SPOCD1: variants seen among roughly 807,000 people sequenced by gnomAD.
SPOCD1 encodes SPOC domain-containing protein 1.
In SPOCD1, 64 loss-of-function variants were observed where a neutral mutation model predicts 92.2. The observed-to-expected ratio is 0.69, with a 90% CI of 0.57 to 0.86. SPOCD1 has a LOEUF of 0.86. SPOCD1 is among the 40% of genes least tolerant of loss of function. The probability of loss-of-function intolerance (pLI) is 0.00; values close to 1 mark genes in which losing one functional copy is unlikely to be tolerated. For missense variants in SPOCD1, 1,360 were observed against 1,543.1 expected (o/e 0.88, Z 1.99); for synonymous variants, 578 against 619.3 (o/e 0.93, Z 0.99).
chr1:31,801,538 G>A, intron 3 of SPOCD1, 126 bp downstream of exon 3: 3 of 777,730 alleles, frequency 3.9e-6, no homozygotes, highest in Non-Finnish European at 6.7e-6. Flanking sequence ...GGAGCACTAG[G>A]ATCCACTGGG....
intron 2 of SPOCD1, among the ~76,000 whole-genome samples, chr1:31,805,122 C>T (rs1436835082): frequency 1.3e-5 from 2 of 151,802 alleles, no homozygotes; most frequent in Non-Finnish European, 2.9e-5. Flanking sequence ...GCTGGGACTA[C>T]AGGCGCCCGC....
intron 7 of SPOCD1, among the ~76,000 whole-genome samples, chr1:31,799,105 T>C (rs1648243126): frequency 6.6e-6 from 1 of 152,086 alleles, no homozygotes; most frequent in Admixed American, 6.5e-5. Flanking sequence ...TCTGAGCCGC[T>C]CCCAGCACAC....
chr1:31,804,796 AT>A (rs1648703324), intron 2 of SPOCD1, among the ~76,000 whole-genome samples: 1 of 151,944 alleles, frequency 6.6e-6, no homozygotes, highest in African/African-American at 2.4e-5. Flanking sequence ...TAATTTGGGG[AT>A]TTTTTAAAAA....
Position 31,791,632 on chromosome 1 carries a change from G to A in SPOCD1, c.2963-341C>T, listed in dbSNP as rs187013640. Among the ~76,000 whole-genome samples, 14 of 152,356 alleles carry A rather than the reference G, an allele frequency of 9.2e-5. No individual in the cohort carries two copies. In the East Asian group the frequency reaches 2.7e-3, roughly 29 times the overall value. Reference sequence around the variant, plus strand: ...ACGCCGTGGAGGGTGTCCATGCACAGAGGCCGAGCTCGGCCCCCCGTGGCT... The same window carrying A: ...ACGCCGTGGAGGGTGTCCATGCACAAAGGCCGAGCTCGGCCCCCCGTGGCT... On this transcript the variant is annotated intron_variant, in intron 15 of 15. Coordinates refer to ENST00000360482, the MANE Select transcript of SPOCD1 (RefSeq NM_144569.7).
Position 31,808,452 on chromosome 1 carries a change from T to C in SPOCD1, c.1383+5499A>G, listed in dbSNP as rs180829804. ...TGTGATTAAATGCACTGTGCAATAATAATAATTATAATAATTGTAAATATT... is the reference window on the plus strand; with the variant it reads ...TGTGATTAAATGCACTGTGCAATAACAATAATTATAATAATTGTAAATATT... On this transcript the variant is annotated intron_variant, in intron 2 of 15. Coordinates refer to ENST00000360482, the MANE Select transcript of SPOCD1 (RefSeq NM_144569.7). 2.3e-3 allele frequency among the ~76,000 whole-genome samples: 349 copies of C among 150,504 alleles called. 1 individual carries two copies. The highest frequency in any genetic ancestry group is 7.6e-3 in the African/African-American group (312 of 41,226).
intron 11 of SPOCD1, 29 bp from the exon 12 acceptor site, chr1:31,793,926 CA>C (rs1647803519): frequency 6.3e-7 from 1 of 1,596,282 alleles, no homozygotes; most frequent in African/African-American, 1.3e-5. Flanking sequence ...GGAGCTGAAA[CA>C]GGGGCAGCAG....
intron 2 of SPOCD1, among the ~76,000 whole-genome samples, chr1:31,803,930 A>G (rs1226759991): frequency 6.6e-6 from 1 of 152,124 alleles, no homozygotes; most frequent in Non-Finnish European, 1.5e-5. Context: ...AAGTTCCAGA[A>G]GGAGAGAGGA....
At chr1:31,811,140 C>G (rs1197370461) in intron 2 of SPOCD1, among the ~76,000 whole-genome samples, 1 of 152,220 alleles carries the variant, frequency 6.6e-6, no homozygotes, top group African/African-American at 2.4e-5. Context: ...ATAGAGGAGG[C>G]AACTCAGATT....
In SPOCD1 at chr1:31,796,404, G is replaced by A. The variant is rs1423970269; in HGVS notation, c.2271+186C>T. On this transcript the variant is annotated intron_variant, in intron 10 of 15. Coordinates refer to ENST00000360482, the MANE Select transcript of SPOCD1 (RefSeq NM_144569.7). The stretch of plus-strand genomic sequence containing the variant: ...ACAGTGACAAGGCGCTGGCAGGCCT[G>A]TGCCAGCAGCACTGTCCCACCCCAT... 4.4e-5 allele frequency: 40 copies of A among 907,142 alleles called. No homozygotes were observed. The Middle Eastern group carries it at 1.3e-3, about 30-fold the overall frequency. 56.2% of individuals were successfully genotyped at this position (907,142 alleles called of 1,614,324 possible).
chr1:31,814,268 C>A lies in SPOCD1; in HGVS notation c.1066G>T (p.Ala356Ser). The change falls in exon 2 of 16, where the codon GCT (alanine) becomes TCT (serine). Residue 356 changes from alanine (A) to serine (S), a missense_variant. Ala to Ser is a moderately conservative substitution (Grantham distance 99). Coordinates refer to ENST00000360482, the MANE Select transcript of SPOCD1 (RefSeq NM_144569.7). The surrounding 1 kb of genome is among the most constrained non-coding windows in gnomAD (Gnocchi z 4.2). The part of the protein sequence containing the change: ...VVRTGSDEGQ[A>S]PAQDQEELEA... Reference sequence around the variant, plus strand: ...AGCTCCTCCTGGTCCTGTGCTGGAGCCTGGCCTTCATCGCTGCCAGTCCGC... The same window carrying A: ...AGCTCCTCCTGGTCCTGTGCTGGAGACTGGCCTTCATCGCTGCCAGTCCGC... 1 of 1,582,100 alleles carries A rather than the reference C, an allele frequency of 6.3e-7. No homozygotes were observed.
chr1:31,814,192 G>C lies in SPOCD1; in HGVS notation c.1142C>G (p.Ala381Gly). 1 of 1,571,016 alleles carries C rather than the reference G, an allele frequency of 6.4e-7. No homozygotes were observed. Among genetic ancestry groups the C allele is most frequent in the Non-Finnish European group, 8.6e-7 (1 of 1,156,578 alleles). The change falls in exon 2 of 16, where the codon GCT becomes GGT. Residue 381 changes from alanine to glycine, a missense_variant. Around this residue, in one of 3 missense-constraint regions of SPOCD1, gnomAD observed 606 missense variants for 601.5 expected, o/e 1.01. Coordinates refer to ENST00000360482, the MANE Select transcript of SPOCD1 (RefSeq NM_144569.7). This position sits in a 1 kb window ranked among gnomAD's most constrained non-coding sequence, Gnocchi z 4.2. ...ASRGRLEQGL[A>G]APADTCASSR... ...GCTGGCACAGGTGTCAGCGGGGGCA[G>C]CGAGTCCTTGCTCCAGCCTTCCCCT...
chr1:31,807,361 C>A, intron 2 of SPOCD1, among the ~76,000 whole-genome samples: 1 of 65,684 alleles, frequency 1.5e-5, no homozygotes. Flanking sequence ...TGCACTCCAG[C>A]CTGGGGGATA....
chr1:31,803,016 A>G (rs1648566193), intron 2 of SPOCD1, among the ~76,000 whole-genome samples: 1 of 61,980 alleles, frequency 1.6e-5, no homozygotes, highest in East Asian at 5.1e-4. Context: ...AAAAAAAACA[A>G]AGAAAACAGG....
At position 31,814,112 on chromosome 1, in the gene SPOCD1, C is replaced by A; in HGVS notation, c.1222G>T (p.Ala408Ser). 1 of 1,610,270 alleles carries A rather than the reference C, an allele frequency of 6.2e-7. No individual in the cohort carries two copies. Among genetic ancestry groups the A allele is most frequent in the Non-Finnish European group, 8.5e-7 (1 of 1,177,466 alleles). Residue 408 changes from alanine to serine, a missense_variant, in exon 2 of 16, where the codon GCC becomes TCC. By Grantham distance (99) the Ala-to-Ser change is moderately conservative (BLOSUM62 1). Transcript: ENST00000360482. The surrounding 1 kb of genome is among the most constrained non-coding windows in gnomAD (Gnocchi z 4.2). ...TGCTCCATGAATGGGCCTGAGCAGG[C>A]CCTGCTGGCTTCAGTATCCAGGGAG... ...SSSLDTEASRACSGPFMEQRR... is the reference protein window; with the variant it reads ...SSSLDTEASRSCSGPFMEQRR...
chr1:31,802,146 T>C (rs4390219), intron 2 of SPOCD1, among the ~76,000 whole-genome samples: 101,033 of 151,962 alleles, frequency 0.66, 33,637 homozygotes, highest in South Asian at 0.72. Flanking sequence ...CCAACCTGGG[T>C]GACAGAGTGA....
chr1:31,803,575 C>T (rs1188487433), intron 2 of SPOCD1, among the ~76,000 whole-genome samples: 2 of 72,850 alleles, frequency 2.7e-5, no homozygotes. Flanking sequence ...TCTACAAAAA[C>T]AAGAAAAAAA....
At position 31,815,072 on chromosome 1, in the gene SPOCD1, C is replaced by A; in HGVS notation, c.262G>T (p.Val88Leu). 6.2e-7 allele frequency: 1 copy of A among 1,613,862 alleles called. No individual in the cohort carries two copies. The highest frequency in any genetic ancestry group is 8.5e-7 in the Non-Finnish European group (1 of 1,180,024). Residue 88 changes from valine to leucine, a missense_variant, in exon 2 of 16, where the codon GTG becomes TTG. Val to Leu is a conservative substitution (Grantham distance 32). Transcript: ENST00000360482. The stretch of plus-strand genomic sequence containing the variant: ...AGCATCGAGCCCCGGCTCTGTACCA[C>A]AGCTAGCAGCTCCAAGACCCCTGGC... Reference protein sequence around the residue: ...VRPGVLELLAVVQSRGSMLAP... With the variant: ...VRPGVLELLALVQSRGSMLAP...
Position 31,798,365 on chromosome 1 carries a change from A to G in SPOCD1, c.2029-42T>C. 1.3e-6 allele frequency: 2 copies of G among 1,598,728 alleles called. No homozygotes were observed. Among genetic ancestry groups the G allele is most frequent in the Non-Finnish European group, 1.7e-6 (2 of 1,170,744 alleles). ...GCAGGGCTGCACCACACGCTGAAAG[A>G]GCTCCCCCACCCTAGCATCCTGCAG... On this transcript the variant is annotated intron_variant, in intron 8 of 15. Coordinates refer to ENST00000360482, the MANE Select transcript of SPOCD1 (RefSeq NM_144569.7). The surrounding 1 kb of genome is among the most constrained non-coding windows in gnomAD (Gnocchi z 4.1).
chr1:31,809,018 G>A (rs140066730), intron 2 of SPOCD1, among the ~76,000 whole-genome samples: 5,336 of 152,126 alleles, frequency 0.035, 303 homozygotes, highest in African/African-American at 0.12. Flanking sequence ...GTGAAACTCC[G>A]TCTCTACTAA....
Sources: allele counts gnomAD v4.1 joint callset (sites outside exome capture counted in the v4.1 genomes callset), GRCh38; gene constraint gnomAD v4.1.1; regional missense constraint gnomAD v4.1.1; non-coding constraint Gnocchi (gnomAD v3.1); transcripts MANE v1.5; gene names NCBI Gene and HGNC (gene_info 2026-07-23, HGNC 2026-07-21).